MIB2: variants seen among roughly 807,000 people sequenced by gnomAD.
MIB2 encodes the protein E3 ubiquitin-protein ligase MIB2.
Under a neutral mutation model 96.6 loss-of-function variants are expected in MIB2, and 78 were observed. The ratio of observed to expected loss-of-function variants is 0.81; its 90% confidence interval spans 0.67 to 0.97. The LOEUF is 0.97. Among genes scored for constraint, MIB2 ranks in the 50% least tolerant of loss-of-function variants. The pLI, the probability that MIB2 is intolerant of heterozygous loss-of-function variation, is 0.00. For synonymous variants in MIB2, 820 were observed against 629.5 expected (o/e 1.30, Z -4.53); for missense variants, 1,543 against 1,424.0 (o/e 1.08, Z -1.35).
At chr1:1,618,698 G>A (rs1254043776) in intron 2 of MIB2, 1 of 152,384 alleles carries the variant, frequency 6.6e-6, no homozygotes. Context: ...GCTTCCCTCT[G>A]ACATGGGCAG....
chr1:1,624,825 G>A lies in MIB2; in HGVS notation c.450G>A (p.Pro150=), dbSNP rs777633459. 73 of 1,612,940 alleles carry A rather than the reference G, an allele frequency of 4.5e-5. No homozygotes were observed. The highest frequency in any genetic ancestry group is 5.5e-5 in the Non-Finnish European group (65 of 1,179,986). The change falls in exon 5 of 20, where the codon CCG becomes CCA. Residue 150 remains proline, a synonymous_variant. Transcript: ENST00000355826. ...CACTGAGTCCCCGCCAGGGCCTCCC[G>A]AGGATCCCACTAAGGGGCATCTTCC... is the stretch of plus-strand genomic sequence containing the variant. ...PVTLSPRQGL[P]RIPLRGIFQG... is the part of the protein sequence containing the mutation.
Position 1,630,564 on chromosome 1 carries a change from C to T in MIB2, c.*34C>T, listed in dbSNP as rs371607681. 7.6e-4 allele frequency: 1,107 copies of T among 1,460,192 alleles called. No individual in the cohort carries two copies. The highest frequency in any genetic ancestry group is 9.3e-4 in the Non-Finnish European group (1,013 of 1,089,526). 90.5% of individuals were successfully genotyped at this position (1,460,192 alleles called of 1,614,324 possible). On this transcript the variant is annotated 3_prime_UTR_variant, in exon 20 of 20. Coordinates refer to ENST00000355826, the MANE Select transcript of MIB2 (RefSeq NM_001170687.4). ...GTCCGCCGCGCCCGAGCTGCCTTCG[C>T]GTGCCCCCGCCCTGTGTTTTATAAA...
At chr1:1,621,760 G>A (rs1401594477) in intron 2 of MIB2, among the ~76,000 whole-genome samples, 1 of 152,236 alleles carries the variant, frequency 6.6e-6, no homozygotes, top group East Asian at 1.9e-4. Context: ...CTGAGAATTA[G>A]AGGGAGTCCT....
rs765235067 is a variant in MIB2, at chr1:1,626,612, C to T, written c.973-38C>T. ...TTGCATGAGCCTGGGCAGCCACACA[C>T]AGCTGGGGGGCCCCTCACGCCCCTC... On this transcript the variant is annotated intron_variant, in intron 8 of 19. Transcript: ENST00000355826. The surrounding 1 kb of genome is among the most constrained non-coding windows in gnomAD (Gnocchi z 5.3). The T allele has an allele frequency of 3.4e-6, 5 of 1,487,316 alleles. No individual in the cohort carries two copies. In the Admixed American group the frequency reaches 7.0e-5, roughly 21 times the overall value. 92.1% of individuals were successfully genotyped at this position (1,487,316 alleles called of 1,614,324 possible). A position where few individuals can be genotyped will look rare whatever the true frequency, so the allele number is the denominator to read the frequency against.
chr1:1,626,140 C>A lies in MIB2; in HGVS notation c.972+487C>A. The A allele has an allele frequency of 5.1e-6, 1 of 195,476 alleles. No homozygotes were observed. The highest frequency in any genetic ancestry group is 1.4e-4 in the East Asian group (1 of 7,070). 12.1% of individuals were successfully genotyped at this position (195,476 alleles called of 1,614,324 possible). A position where few individuals can be genotyped will look rare whatever the true frequency, so the allele number is the denominator to read the frequency against. ...TGGATGGCCCTGGGAGGGGCAGGCC[C>A]GGGGCAAAGCGTCAGAGCTCAGCTC... On this transcript the variant is annotated intron_variant, in intron 8 of 19. Transcript: ENST00000355826. This position sits in a 1 kb window ranked among gnomAD's most constrained non-coding sequence, Gnocchi z 5.3.
upstream of MIB2, chr1:1,615,424 G>C: frequency 6.7e-7 from 1 of 1,486,676 alleles, no homozygotes; most frequent in Non-Finnish European, 8.9e-7. Flanking sequence ...CACTTCCGGT[G>C]CTTGCCCTGC....
Position 1,629,387 on chromosome 1 carries a change from A to C in MIB2, c.2384A>C (p.Glu795Ala). 1 of 1,443,398 alleles carries C rather than the reference A, an allele frequency of 6.9e-7. No homozygotes were observed. 89.4% of individuals were successfully genotyped at this position (1,443,398 alleles called of 1,614,324 possible). Residue 795 changes from glutamate to alanine, a missense_variant and splice_region_variant, in exon 18 of 20, where the codon GAG (glutamate) becomes GCG (alanine). Physicochemically the swap from Glu to Ala is moderately radical, Grantham distance 107. Coordinates refer to ENST00000355826, the MANE Select transcript of MIB2 (RefSeq NM_001170687.4). ...CAAGCCGCCTCCTCCCCCTGCAGGGAGCGGCAGGCGGGCGGGGGCGCGGCC... is the reference window on the plus strand; with the variant it reads ...CAAGCCGCCTCCTCCCCCTGCAGGGCGCGGCAGGCGGGCGGGGGCGCGGCC... ...ALQGCAQRFR[E>A]RQAGGGAAPG...
chr1:1,624,508 GC>G (rs1644554461), intron 4 of MIB2, among the ~76,000 whole-genome samples: 1 of 152,230 alleles, frequency 6.6e-6, no homozygotes, highest in South Asian at 2.1e-4. Context: ...CAGAGGTCTT[GC>G]CGAGGGTGGG....
rs911255333 is a variant in MIB2, at chr1:1,623,472, C to T, written c.20C>T (p.Ala7Val). The T allele has an allele frequency of 1.6e-5, 26 of 1,592,276 alleles. No individual in the cohort carries two copies. The highest frequency in any genetic ancestry group is 6.9e-5 in the Admixed American group (4 of 57,746). Residue 7 changes from alanine to valine, a missense_variant, in exon 3 of 20, where the codon GCG becomes GTG. Coordinates refer to ENST00000355826, the MANE Select transcript of MIB2 (RefSeq NM_001170687.4). ...CCCAACATGGACCCAGACCCCCAGG[C>T]GGGCGTGCAGGTGGGCATGCGGGTG... MDPDPQAGVQVGMRVVR... is the reference protein window; with the variant it reads MDPDPQVGVQVGMRVVR...
chr1:1,622,787 C>A (rs1319906975), intron 2 of MIB2, among the ~76,000 whole-genome samples: 1 of 152,258 alleles, frequency 6.6e-6, no homozygotes, highest in South Asian at 2.1e-4. Flanking sequence ...CCTCGCTGCA[C>A]TGTCCCTGAC....
At position 1,627,668 on chromosome 1, in the gene MIB2, G is replaced by T; in HGVS notation, c.1524-5G>T. 6.3e-7 allele frequency: 1 copy of T among 1,589,956 alleles called. No homozygotes were observed. Among genetic ancestry groups the T allele is most frequent in the South Asian group, 1.1e-5 (1 of 89,796 alleles). On this transcript the variant is annotated splice_polypyrimidine_tract_variant and splice_region_variant and intron_variant, in intron 12 of 19. Coordinates refer to ENST00000355826, the MANE Select transcript of MIB2 (RefSeq NM_001170687.4). Reference sequence around the variant, plus strand: ...CCCTCCCTCTCCCACTTCCTCTCCTGTCAGGAACCAGCCCGAGGCCACCAG... The same window carrying T: ...CCCTCCCTCTCCCACTTCCTCTCCTTTCAGGAACCAGCCCGAGGCCACCAG...
Position 1,624,831 on chromosome 1 carries a change from C to G in MIB2, c.456C>G (p.Ile152Met), listed in dbSNP as rs1045139625. The change falls in exon 5 of 20, where the codon ATC becomes ATG. Residue 152 changes from isoleucine to methionine, a missense_variant. By Grantham distance (10) the Ile-to-Met change is conservative (BLOSUM62 1). Coordinates refer to ENST00000355826, the MANE Select transcript of MIB2 (RefSeq NM_001170687.4). ...GTCCCCGCCAGGGCCTCCCGAGGATCCCACTAAGGGGCATCTTCCAGGGAG... is the reference window on the plus strand; with the variant it reads ...GTCCCCGCCAGGGCCTCCCGAGGATGCCACTAAGGGGCATCTTCCAGGGAG... ...TLSPRQGLPR[I>M]PLRGIFQGAK... The G allele has an allele frequency of 6.2e-7, 1 of 1,612,988 alleles. No individual in the cohort carries two copies. Among genetic ancestry groups the G allele is most frequent in the African/African-American group, 1.3e-5 (1 of 74,944 alleles).
chr1:1,620,026 T>G (rs1361451253), intron 2 of MIB2, among the ~76,000 whole-genome samples: 1 of 152,238 alleles, frequency 6.6e-6, no homozygotes, highest in Admixed American at 6.5e-5. Context: ...CGCCAAGGCT[T>G]GGTCTTGATT....
chr1:1,619,425 C>G (rs1181380416), intron 2 of MIB2, among the ~76,000 whole-genome samples: 1 of 152,232 alleles, frequency 6.6e-6, no homozygotes, highest in African/African-American at 2.4e-5. Context: ...TACTGAGCTC[C>G]TGAGCCTGGG....
intron 2 of MIB2, among the ~76,000 whole-genome samples, chr1:1,619,735 G>A (rs949243800): frequency 1.3e-5 from 2 of 152,194 alleles, no homozygotes; most frequent in Non-Finnish European, 2.9e-5. Context: ...CCCCTTGTTG[G>A]GGCAGCCCTC....
chr1:1,629,937 C>A (rs1238858164), intron 19 of MIB2, among the ~76,000 whole-genome samples: 1 of 147,458 alleles, frequency 6.8e-6, no homozygotes, highest in Non-Finnish European at 1.5e-5. Flanking sequence ...CCCCATCACA[C>A]CCCAGCCCCG....
chr1:1,620,222 C>G (rs1644127948), intron 2 of MIB2, among the ~76,000 whole-genome samples: 1 of 152,256 alleles, frequency 6.6e-6, no homozygotes, highest in African/African-American at 2.4e-5. Context: ...CTGGGCTAAG[C>G]TGGCTGTGGC....
chr1:1,629,195 C>T lies in MIB2; in HGVS notation c.2265C>T (p.Phe755=), dbSNP rs772469204. 1.3e-6 allele frequency: 2 copies of T among 1,518,136 alleles called. No individual in the cohort carries two copies. The highest frequency in any genetic ancestry group is 1.2e-5 in the South Asian group (1 of 82,014). 94.0% of individuals were successfully genotyped at this position (1,518,136 alleles called of 1,614,324 possible). A position where few individuals can be genotyped will look rare whatever the true frequency, so the allele number is the denominator to read the frequency against. ...ELTVGAAVAC[F]LALEGADVSY... ...CGGTGGGCGCGGCGGTCGCCTGCTT[C>T]CTGGCGCTGGAGGGCGCCGACGTGA... Residue 755 remains phenylalanine (F), a synonymous_variant, in exon 17 of 20, where the codon TTC becomes TTT. Transcript: ENST00000355826.
At chr1:1,618,781 T>A (rs1643980454) in intron 2 of MIB2, 1 of 152,320 alleles carries the variant, frequency 6.6e-6, no homozygotes. Flanking sequence ...GATGCTGGGC[T>A]GGATCCTCCC....
Sources: gnomAD v4.1 joint callset for allele counts (sites outside exome capture counted in the v4.1 genomes callset) on GRCh38, gnomAD v4.1.1 for gene constraint, Gnocchi (gnomAD v3.1) non-coding constraint, MANE v1.5 for transcripts, NCBI Gene and HGNC (gene_info 2026-07-23, HGNC 2026-07-21) for gene names.